The following RFX4 variants were observed in gnomAD, a reference collection of about 807,000 sequenced individuals.
RFX4 encodes regulatory factor X4.
RFX4 carries 10 observed loss-of-function variants against 95.0 expected under a neutral mutation model. The observed-to-expected ratio is 0.11, with a 90% CI of 0.06 to 0.18. The LOEUF (loss-of-function observed/expected upper bound fraction) is 0.18. Ranked by LOEUF, RFX4 falls within the 10% of genes least tolerant of loss-of-function variation. The pLI is 1.00. For missense variants in RFX4, 640 were observed against 922.0 expected (o/e 0.69, Z 3.96); for synonymous variants, 321 against 340.7 (o/e 0.94, Z 0.64).
intron 1 of RFX4, among the ~76,000 whole-genome samples, chr12:106,606,980 C>T (rs968705491): frequency 6.6e-6 from 1 of 152,146 alleles, no homozygotes; most frequent in African/African-American, 2.4e-5. Context: ...ATCCCAGTTG[C>T]TTTCTAGGAA....
At chr12:106,751,307 G>T (rs997130973) in intron 17 of RFX4, among the ~76,000 whole-genome samples, 1 of 143,254 alleles carries the variant, frequency 7.0e-6, no homozygotes, top group African/African-American at 2.6e-5. Context: ...TGGTGTATAT[G>T]TGCCACATTT....
intron 2 of RFX4, among the ~76,000 whole-genome samples, chr12:106,620,448 AG>A (rs1041639372): frequency 1.3e-5 from 2 of 152,124 alleles, no homozygotes; most frequent in African/African-American, 2.4e-5. Context: ...TCAAAAGGGG[AG>A]GGGATATAAG....
At chr12:106,629,631 A>G (rs2040375544) in intron 2 of RFX4, among the ~76,000 whole-genome samples, 1 of 152,040 alleles carries the variant, frequency 6.6e-6, no homozygotes, top group South Asian at 2.1e-4. Flanking sequence ...ACAGGTGTGC[A>G]CCACCATGCC....
chr12:106,696,692 C>A lies in RFX4; in HGVS notation c.833+246C>A, dbSNP rs1421456858. ...GGTGTACAGTAAACAATCTCCCCAC[C>A]AGACTCCTGTTCCCCAGACAACCCA... is the stretch of plus-strand genomic sequence containing the variant. On this transcript the variant is annotated intron_variant, in intron 8 of 17. Transcript: ENST00000392842. 2.0e-5 allele frequency among the ~76,000 whole-genome samples: 3 copies of A among 152,230 alleles called. No homozygotes were observed. The East Asian group carries it at 5.8e-4, about 29-fold the overall frequency.
At position 106,586,815 on chromosome 12, in the gene RFX4, G is replaced by A. The variant is rs912229026; in HGVS notation, c.43+3452G>A. On this transcript the variant is annotated intron_variant, in intron 1 of 17. Coordinates refer to ENST00000392842, the MANE Select transcript of RFX4 (RefSeq NM_213594.3). This position sits in a 1 kb window ranked among gnomAD's most constrained non-coding sequence, Gnocchi z 5.6. ...CTTGGCGCCGTGCCCACAAGGCAAA[G>A]TGCGTCCTGGAGGGAACAGGGCCCG... 3.3e-5 allele frequency among the ~76,000 whole-genome samples: 5 copies of A among 152,256 alleles called. No homozygotes were observed. The highest frequency in any genetic ancestry group is 7.3e-5 in the Non-Finnish European group (5 of 68,052).
At chr12:106,715,902 G>A (rs1160878561) in intron 11 of RFX4, among the ~76,000 whole-genome samples, 1 of 152,136 alleles carries the variant, frequency 6.6e-6, no homozygotes, top group Non-Finnish European at 1.5e-5. Context: ...GGGGTCAGCT[G>A]GATATGCTGC....
intron 4 of RFX4, chr12:106,680,996 G>C (rs866792995): frequency 6.6e-6 from 1 of 152,162 alleles, no homozygotes; most frequent in African/African-American, 2.4e-5. Flanking sequence ...GTTCTTGCAC[G>C]TAACCCCTGA....
At chr12:106,756,317 T>C (rs1566009565) in intron 17 of RFX4, among the ~76,000 whole-genome samples, 1 of 152,192 alleles carries the variant, frequency 6.6e-6, no homozygotes, top group African/African-American at 2.4e-5. Flanking sequence ...TACATGTTCA[T>C]AGAACCTCTA....
chr12:106,718,882 G>A (rs374207406), intron 11 of RFX4, among the ~76,000 whole-genome samples: 18 of 151,902 alleles, frequency 1.2e-4, no homozygotes, highest in African/African-American at 3.1e-4. Context: ...AGGCCAAGGC[G>A]GGCGGATCAC....
intron 7 of RFX4, 54 bp from the exon 8 acceptor site, chr12:106,696,229 T>C (rs1049007883): frequency 8.4e-5 from 135 of 1,598,512 alleles, no homozygotes; most frequent in Middle Eastern, 6.8e-4. Context: ...CCCAAGCTTC[T>C]GTTGGGAGGG....
chr12:106,698,129 T>A (rs1023803571), intron 8 of RFX4, among the ~76,000 whole-genome samples: 1 of 151,796 alleles, frequency 6.6e-6, no homozygotes, highest in Non-Finnish European at 1.5e-5. Context: ...TGCACCACCA[T>A]GCCTGGCTAA....
intron 5 of RFX4, chr12:106,683,477 A>AAC (rs2041567735): frequency 1.4e-5 from 2 of 148,090 alleles, no homozygotes; most frequent in South Asian, 2.2e-4. Context: ...AAAAAAAAAA[A>AAC]AAAAAAAAAA....
At chr12:106,752,114 A>G (rs1490604164) in intron 17 of RFX4, among the ~76,000 whole-genome samples, 5 of 151,230 alleles carry the variant, frequency 3.3e-5, no homozygotes, top group African/African-American at 1.2e-4. Context: ...TGATTTTTGT[A>G]TAAGGCGTAA....
At position 106,742,751 on chromosome 12, in the gene RFX4, G is replaced by A. The variant is rs149350728; in HGVS notation, c.1634-4686G>A. On this transcript the variant is annotated intron_variant, in intron 15 of 17. Coordinates refer to ENST00000392842, the MANE Select transcript of RFX4 (RefSeq NM_213594.3). Reference sequence around the variant, plus strand: ...AGACCTGCATTGAAATCCCAACTCTGCCACTTACCTGAGCAAGTCATTTAA... The same window carrying A: ...AGACCTGCATTGAAATCCCAACTCTACCACTTACCTGAGCAAGTCATTTAA... Among the ~76,000 whole-genome samples, 405 of 152,272 alleles carry A rather than the reference G, an allele frequency of 2.7e-3. 2 individuals are homozygous for A. The highest frequency in any genetic ancestry group is 0.024 in the Middle Eastern group (7 of 294).
At position 106,586,368 on chromosome 12, in the gene RFX4, A is replaced by G. The variant is rs2039458600; in HGVS notation, c.43+3005A>G. 6.6e-6 allele frequency among the ~76,000 whole-genome samples: 1 copy of G among 152,044 alleles called. No homozygotes were observed. Among genetic ancestry groups the G allele is most frequent in the Non-Finnish European group, 1.5e-5 (1 of 67,966 alleles). On this transcript the variant is annotated intron_variant, in intron 1 of 17. Coordinates refer to ENST00000392842, the MANE Select transcript of RFX4 (RefSeq NM_213594.3). This position sits in a 1 kb window ranked among gnomAD's most constrained non-coding sequence, Gnocchi z 5.6. ...GTGTTTGTGGCCGCCGGGTCCAATCAGGGCTGCTCTGCCCGGGTGATCGTT... is the reference window on the plus strand; with the variant it reads ...GTGTTTGTGGCCGCCGGGTCCAATCGGGGCTGCTCTGCCCGGGTGATCGTT...
chr12:106,605,019 T>C (rs2039797249), intron 1 of RFX4, among the ~76,000 whole-genome samples: 1 of 152,214 alleles, frequency 6.6e-6, no homozygotes, highest in Non-Finnish European at 1.5e-5. Flanking sequence ...ACTGAATCTC[T>C]CTGAGCCTTA....
At chr12:106,651,116 C>T (rs2040849311) in intron 3 of RFX4, among the ~76,000 whole-genome samples, 1 of 152,136 alleles carries the variant, frequency 6.6e-6, no homozygotes, top group Admixed American at 6.5e-5. Flanking sequence ...ATAGTTCTTC[C>T]CTTTAGATAC....
chr12:106,756,537 CT>C (rs1235254385), intron 17 of RFX4, among the ~76,000 whole-genome samples: 2 of 150,198 alleles, frequency 1.3e-5, no homozygotes, highest in African/African-American at 5.0e-5. Context: ...GGGCACTGTA[CT>C]TTGGGTTGGT....
At chr12:106,632,524 T>C (rs1312646261) in intron 2 of RFX4, among the ~76,000 whole-genome samples, 1 of 152,240 alleles carries the variant, frequency 6.6e-6, no homozygotes, top group Non-Finnish European at 1.5e-5. Context: ...TCCTACTCTC[T>C]ACTCTCTTCT....
Sources: gnomAD v4.1 joint callset for allele counts (sites outside exome capture counted in the v4.1 genomes callset) on GRCh38, gnomAD v4.1.1 for gene constraint, Gnocchi (gnomAD v3.1) non-coding constraint, MANE v1.5 for transcripts, NCBI Gene and HGNC (gene_info 2026-07-23, HGNC 2026-07-21) for gene names.